AKAP19: variants seen among roughly 807,000 people sequenced by gnomAD.
AKAP19 encodes the protein A-kinase anchoring protein 19, also known as small A-kinase anchoring protein.
the AKAP19 span, among the ~76,000 whole-genome samples, chr2:190,167,675 G>A: frequency 3.9e-5 from 6 of 152,172 alleles, no homozygotes; most frequent in Admixed American, 6.5e-5. Context: ...AGGGGCTACC[G>A]GCCCCATGCA....
the AKAP19 span, chr2:189,923,223 C>A: frequency 1.9e-6 from 2 of 1,061,584 alleles, no homozygotes; most frequent in Non-Finnish European, 2.8e-6. Flanking sequence ...TGCCGACCTC[C>A]AGCAGCAGTC....
the AKAP19 span, among the ~76,000 whole-genome samples, chr2:190,012,626 G>A: frequency 2.8e-3 from 432 of 152,212 alleles, 6 homozygotes; most frequent in African/African-American, 9.9e-3. Context: ...AATTACTCTG[G>A]TAAGAACTTT....
chr2:189,972,257 G>T, the AKAP19 span, among the ~76,000 whole-genome samples: 1 of 152,158 alleles, frequency 6.6e-6, no homozygotes, highest in African/African-American at 2.4e-5. Context: ...CCCTTTTCTT[G>T]TTTTTGTCAG....
At chr2:189,908,380 A>G in the AKAP19 span, among the ~76,000 whole-genome samples, 281 of 152,156 alleles carry the variant, frequency 1.8e-3, 1 homozygote, top group African/African-American at 6.5e-3. Flanking sequence ...TACTTTTAGT[A>G]GAGATGGGGT....
the AKAP19 span, among the ~76,000 whole-genome samples, chr2:190,076,605 AT>A: frequency 7.1e-6 from 1 of 141,442 alleles, no homozygotes; most frequent in African/African-American, 3.2e-5. Flanking sequence ...TAAAGATATT[AT>A]TTGTATTTCA....
chr2:190,145,530 C>T, the AKAP19 span, among the ~76,000 whole-genome samples: 2 of 152,134 alleles, frequency 1.3e-5, no homozygotes, highest in South Asian at 2.1e-4. Context: ...TATACTATGG[C>T]CATCCCATAA....
chr2:189,900,267 C>CAAATGTG, the AKAP19 span, among the ~76,000 whole-genome samples: 1 of 151,360 alleles, frequency 6.6e-6, no homozygotes, highest in Non-Finnish European at 1.5e-5. Flanking sequence ...GATAAATTCA[C>CAAATGTG]AAATGTGAAA....
chr2:189,966,631 C>T, the AKAP19 span, among the ~76,000 whole-genome samples: 1 of 152,096 alleles, frequency 6.6e-6, no homozygotes, highest in Non-Finnish European at 1.5e-5. Context: ...GGCGGTTAGA[C>T]AAACTTACAC....
the AKAP19 span, among the ~76,000 whole-genome samples, chr2:190,058,555 G>A: frequency 1.3e-5 from 2 of 151,898 alleles, no homozygotes; most frequent in African/African-American, 2.4e-5. Flanking sequence ...ACCTGCACAC[G>A]TATGTTTATC....
the AKAP19 span, among the ~76,000 whole-genome samples, chr2:189,965,543 A>G: frequency 6.6e-6 from 1 of 152,184 alleles, no homozygotes; most frequent in Non-Finnish European, 1.5e-5. Flanking sequence ...AAACATACAA[A>G]AAAATCCTCA....
At chr2:190,132,475 C>A in the AKAP19 span, among the ~76,000 whole-genome samples, 2 of 152,136 alleles carry the variant, frequency 1.3e-5, no homozygotes, top group African/African-American at 4.8e-5. Context: ...AGAAATAAAT[C>A]CACGCTTTTA....
At chr2:190,073,424 C>T in the AKAP19 span, among the ~76,000 whole-genome samples, 9 of 151,980 alleles carry the variant, frequency 5.9e-5, no homozygotes, top group Non-Finnish European at 1.3e-4. Context: ...GAGTAAAGGG[C>T]AAATAGAATT....
chr2:190,036,860 T>G, the AKAP19 span, among the ~76,000 whole-genome samples: 2 of 152,202 alleles, frequency 1.3e-5, no homozygotes, highest in South Asian at 2.1e-4. Context: ...TAAGTTCACA[T>G]CCTGCTTTAA....
the AKAP19 span, among the ~76,000 whole-genome samples, chr2:190,002,799 TG>T: frequency 6.6e-6 from 1 of 152,194 alleles, no homozygotes; most frequent in South Asian, 2.1e-4. Flanking sequence ...GCAGGTTTTG[TG>T]GTCACTTATG....
At chr2:190,015,586 C>T in the AKAP19 span, among the ~76,000 whole-genome samples, 4 of 152,352 alleles carry the variant, frequency 2.6e-5, no homozygotes, top group Non-Finnish European at 4.4e-5. Flanking sequence ...TGGCTATTAA[C>T]ACTTGGCTCC....
chr2:190,182,197 T>C, the AKAP19 span, among the ~76,000 whole-genome samples: 2 of 152,284 alleles, frequency 1.3e-5, no homozygotes, highest in Admixed American at 1.3e-4. Flanking sequence ...CCTTTTCTGT[T>C]GTTAGCAAGG....
At chr2:190,158,615 C>T in the AKAP19 span, among the ~76,000 whole-genome samples, 17 of 152,164 alleles carry the variant, frequency 1.1e-4, no homozygotes, top group African/African-American at 3.1e-4. Context: ...CATAGTATCA[C>T]GTTATCATTT....
the AKAP19 span, among the ~76,000 whole-genome samples, chr2:190,198,562 G>C: frequency 1.4e-5 from 2 of 147,270 alleles, no homozygotes; most frequent in South Asian, 4.3e-4. Context: ...AACCCAGGAG[G>C]TCCAGGCTAC....
At chr2:190,018,732 G>A in the AKAP19 span, among the ~76,000 whole-genome samples, 3 of 152,134 alleles carry the variant, frequency 2.0e-5, no homozygotes, top group Admixed American at 6.6e-5. Flanking sequence ...TTGTGTTGGT[G>A]TCTGTACATT....
Sources: gnomAD v4.1 joint callset for allele counts (sites outside exome capture counted in the v4.1 genomes callset) on GRCh38, gnomAD v4.1.1 for gene constraint, MANE v1.5 for transcripts, NCBI Gene and HGNC (gene_info 2026-07-23, HGNC 2026-07-21) for gene names.